The following PLOD2 variants were observed in gnomAD, a reference collection of about 807,000 sequenced individuals.
The protein encoded by PLOD2 is lysine hydroxylase 2.
In PLOD2, 65 loss-of-function variants were observed where a neutral mutation model predicts 101.0. The observed-to-expected ratio is 0.64, with a 90% CI of 0.53 to 0.79. The LOEUF is 0.79. Among genes scored for constraint, PLOD2 ranks in the 30% least tolerant of loss-of-function variants. The pLI is 0.00. For missense variants in PLOD2, 909 were observed against 914.6 expected, an observed-to-expected ratio of 0.99 and a Z score of 0.08; for synonymous variants, 314 against 302.9, an observed-to-expected ratio of 1.04 and a Z score of -0.38.
intron 7 of PLOD2, among the ~76,000 whole-genome samples, chr3:146,098,185 C>T (rs191111245): frequency 3.0e-4 from 45 of 152,200 alleles, no homozygotes; most frequent in South Asian, 6.2e-4. Context: ...CAAACCTGCA[C>T]GTTCAGCACA....
At chr3:146,091,950 T>C (rs367786280) in intron 7 of PLOD2, 49 bp from the exon 8 acceptor site, 9 of 958,224 alleles carry the variant, frequency 9.4e-6, no homozygotes, top group Non-Finnish European at 1.4e-5. Context: ...CTCTCATCGG[T>C]GTGGTTTCAT....
rs1461492055 is a variant in PLOD2 at position 146,121,161 on chromosome 3, T to C, written c.289A>G (p.Met97Val). 4 of 1,609,266 alleles carry C rather than the reference T, an allele frequency of 2.5e-6. No homozygotes were observed. Among genetic ancestry groups the C allele is most frequent in the African/African-American group, 2.7e-5 (2 of 74,956 alleles). The change falls in exon 3 of 20, where the codon ATG becomes GTG. Residue 97 changes from methionine to valine, a missense_variant. Coordinates refer to ENST00000282903, the MANE Select transcript of PLOD2 (RefSeq NM_182943.3). The part of the protein sequence containing the change: ...GQKVRLMKEV[M>V]EHYADQDDLV... ...TCATCTTGATCAGCATAGTGTTCCA[T>C]GACTTCTTTCATTAATCTCACTTTC...
At chr3:146,131,956 G>A (rs957153977) in intron 1 of PLOD2, among the ~76,000 whole-genome samples, 3 of 151,994 alleles carry the variant, frequency 2.0e-5, no homozygotes, top group Non-Finnish European at 4.4e-5. Flanking sequence ...AAAAGGATGT[G>A]TCAAGAGACA....
chr3:146,160,852 G>A, intron 1 of PLOD2, 29 bp downstream of exon 1: 4 of 1,424,410 alleles, frequency 2.8e-6, no homozygotes, highest in East Asian at 4.9e-5. Flanking sequence ...CGAGCCTCGC[G>A]GGACAGCGGC....
intron 6 of PLOD2, 122 bp downstream of exon 6, chr3:146,104,157 A>G: frequency 1.1e-5 from 8 of 728,094 alleles, no homozygotes; most frequent in Non-Finnish European, 1.5e-5. Flanking sequence ...AGTTACAATA[A>G]TTACAATATT....
chr3:146,083,520 C>T (rs1382273188), intron 11 of PLOD2, among the ~76,000 whole-genome samples: 3 of 151,750 alleles, frequency 2.0e-5, no homozygotes, highest in African/African-American at 4.8e-5. Context: ...CATGGAGACA[C>T]AGCCTGAGTT....
At chr3:146,078,988 G>A (rs924742031) in intron 13 of PLOD2, 128 bp downstream of exon 13, 16 of 879,602 alleles carry the variant, frequency 1.8e-5, no homozygotes, top group African/African-American at 1.7e-4. Context: ...TTTTAACACA[G>A]AACCAAAAAA....
chr3:146,143,270 G>A (rs548451289), intron 1 of PLOD2, among the ~76,000 whole-genome samples: 3 of 151,100 alleles, frequency 2.0e-5, no homozygotes, highest in Admixed American at 6.6e-5. Context: ...AGAGTAACTC[G>A]TGTTTACAAT....
chr3:146,112,787 G>A (rs935763535), intron 3 of PLOD2, among the ~76,000 whole-genome samples: 4 of 151,300 alleles, frequency 2.6e-5, no homozygotes, highest in Non-Finnish European at 5.9e-5. Context: ...AGAGGTGGAG[G>A]TTGCAGTGAG....
intron 9 of PLOD2, among the ~76,000 whole-genome samples, chr3:146,087,346 TA>T (rs1936814743): frequency 2.6e-5 from 4 of 151,938 alleles, no homozygotes; most frequent in African/African-American, 9.7e-5. Context: ...CAATCTGAGT[TA>T]TAAACTTAAA....
At chr3:146,097,208 C>A (rs377439824) in intron 7 of PLOD2, among the ~76,000 whole-genome samples, 2 of 151,176 alleles carry the variant, frequency 1.3e-5, no homozygotes, top group East Asian at 2.0e-4. Flanking sequence ...CCAGCCGCCC[C>A]ATCCGGGAGG....
At chr3:146,074,710 TAA>T (rs3840208) in intron 15 of PLOD2, among the ~76,000 whole-genome samples, 6 of 148,802 alleles carry the variant, frequency 4.0e-5, no homozygotes, top group African/African-American at 4.9e-5. Context: ...CAAGTTAAAG[TAA>T]AAAAAAAAAT....
intron 11 of PLOD2, among the ~76,000 whole-genome samples, chr3:146,084,409 T>C (rs1242011825): frequency 6.6e-6 from 1 of 152,082 alleles, no homozygotes; most frequent in African/African-American, 2.4e-5. Context: ...GGTGGGTTAA[T>C]AAAGCATACT....
At chr3:146,110,606 CAACTT>C (rs939502015) in intron 3 of PLOD2, among the ~76,000 whole-genome samples, 158 bp from the exon 4 acceptor site, 9 of 152,178 alleles carry the variant, frequency 5.9e-5, no homozygotes, top group Non-Finnish European at 8.8e-5. Context: ...AAATTTCTCT[CAACTT>C]AAATTATATG....
intron 3 of PLOD2, among the ~76,000 whole-genome samples, chr3:146,113,311 TAG>T (rs1364488998): frequency 6.6e-6 from 1 of 152,204 alleles, no homozygotes; most frequent in Non-Finnish European, 1.5e-5. Context: ...TTAAATACTT[TAG>T]AAAAGTTATT....
intron 3 of PLOD2, among the ~76,000 whole-genome samples, chr3:146,116,616 G>C (rs1362881835): frequency 6.6e-6 from 1 of 151,926 alleles, no homozygotes; most frequent in African/African-American, 2.4e-5. Context: ...AATGGATAAA[G>C]GAAATACGGA....
At chr3:146,110,860 G>T (rs1480049816) in intron 3 of PLOD2, among the ~76,000 whole-genome samples, 1 of 152,066 alleles carries the variant, frequency 6.6e-6, no homozygotes, top group Admixed American at 6.6e-5. Context: ...CAGTCCATTA[G>T]TTTCTGAAGA....
intron 2 of PLOD2, chr3:146,123,375 G>C (rs2030316671): frequency 1.9e-6 from 1 of 530,658 alleles, no homozygotes; most frequent in African/African-American, 2.1e-5. Context: ...TCTCATAGCT[G>C]AGTTTAATAG....
intron 1 of PLOD2, among the ~76,000 whole-genome samples, chr3:146,142,193 C>T (rs2108126409): frequency 6.6e-6 from 1 of 152,174 alleles, no homozygotes; most frequent in Non-Finnish European, 1.5e-5. Context: ...CTATTATCTA[C>T]TGATATTTAA....
Sources: gnomAD v4.1 joint callset for allele counts (sites outside exome capture counted in the v4.1 genomes callset) on GRCh38, gnomAD v4.1.1 for gene constraint, MANE v1.5 for transcripts, NCBI Gene and HGNC (gene_info 2026-07-23, HGNC 2026-07-21) for gene names.